Variants in PKNOX2 observed in about 807,000 individuals in gnomAD.
PKNOX2 encodes PBX/knotted 1 homeobox 2.
PKNOX2 carries 14 observed loss-of-function variants against 53.1 expected under a neutral mutation model. That is an observed-to-expected ratio of 0.26 (90% CI 0.17 to 0.41). PKNOX2 has a LOEUF of 0.41. Ranked by LOEUF, PKNOX2 falls within the 10% of genes least tolerant of loss-of-function variation. The pLI, the probability that PKNOX2 is intolerant of heterozygous loss-of-function variation, is 1.00. For missense variants in PKNOX2, 496 were observed against 602.8 expected, an observed-to-expected ratio of 0.82 and a Z score of 1.85; for synonymous variants, 257 against 242.8, an observed-to-expected ratio of 1.06 and a Z score of -0.54.
chr11:125,370,719 C>T lies in PKNOX2; in HGVS notation c.227+2734C>T, dbSNP rs886432032. Among the ~76,000 whole-genome samples, 1 of 152,264 alleles carries T rather than the reference C, an allele frequency of 6.6e-6. No homozygotes were observed. The highest frequency in any genetic ancestry group is 6.5e-5 in the Admixed American group (1 of 15,292). Reference sequence around the variant, plus strand: ...CCATTAGTACCAGCCGCCCTCTCTGCAGCCATTGCCCCGGGATGACCAGGG... The same window carrying T: ...CCATTAGTACCAGCCGCCCTCTCTGTAGCCATTGCCCCGGGATGACCAGGG... On this transcript the variant is annotated intron_variant, in intron 5 of 12. Coordinates refer to ENST00000298282, the MANE Select transcript of PKNOX2 (RefSeq NM_001382323.2). The surrounding 1 kb of genome is among the most constrained non-coding windows in gnomAD (Gnocchi z 4.1).
intron 2 of PKNOX2, among the ~76,000 whole-genome samples, chr11:125,242,257 T>C (rs1943211585): frequency 6.6e-6 from 1 of 152,150 alleles, no homozygotes; most frequent in South Asian, 2.1e-4. Flanking sequence ...AAGGCAGTGT[T>C]GGTCTGTAAC....
At chr11:125,273,503 GA>G (rs2135803517) in intron 2 of PKNOX2, among the ~76,000 whole-genome samples, 1 of 152,306 alleles carries the variant, frequency 6.6e-6, no homozygotes, top group South Asian at 2.1e-4. Flanking sequence ...GCAGTGCCAA[GA>G]AAAAGGTTCT....
At chr11:125,338,105 C>T (rs1437176248) in intron 3 of PKNOX2, among the ~76,000 whole-genome samples, 1 of 152,192 alleles carries the variant, frequency 6.6e-6, no homozygotes, top group Non-Finnish European at 1.5e-5. Flanking sequence ...CCCTCCATCT[C>T]CCCAGCATCC....
rs571407829 is a variant in PKNOX2, at chr11:125,356,655, C to T, written c.87+5263C>T. The stretch of plus-strand genomic sequence containing the variant: ...CTGCAAGAGGAAGGCTAAGGCTGGG[C>T]CAGCCACACTGAGGAAGCCAGACCT... On this transcript the variant is annotated intron_variant, in intron 4 of 12. Transcript: ENST00000298282. 5.9e-5 allele frequency among the ~76,000 whole-genome samples: 9 copies of T among 152,332 alleles called. No homozygotes were observed. The South Asian group carries it at 1.9e-3, about 32-fold the overall frequency.
intron 3 of PKNOX2, among the ~76,000 whole-genome samples, chr11:125,336,169 G>T (rs1329993567): frequency 6.6e-6 from 1 of 152,084 alleles, no homozygotes; most frequent in Non-Finnish European, 1.5e-5. Context: ...TTAGAAGTAT[G>T]TGTGAGAGGA....
At chr11:125,380,126 G>A (rs569456213) in intron 5 of PKNOX2, among the ~76,000 whole-genome samples, 29 of 152,314 alleles carry the variant, frequency 1.9e-4, no homozygotes, top group Middle Eastern at 3.4e-3. Flanking sequence ...CTGTGTCCGC[G>A]CTCCTGGGGA....
At chr11:125,385,440 A>G in intron 5 of PKNOX2, 111 bp from the exon 6 acceptor site, 1 of 1,244,106 alleles carries the variant, frequency 8.0e-7, no homozygotes, top group Non-Finnish European at 1.1e-6. Flanking sequence ...AAGGAGTGGG[A>G]CCTTGGGAGA....
At chr11:125,246,511 C>G (rs1194138505) in intron 2 of PKNOX2, among the ~76,000 whole-genome samples, 1 of 152,180 alleles carries the variant, frequency 6.6e-6, no homozygotes, top group African/African-American at 2.4e-5. Flanking sequence ...TCTGCCTTCC[C>G]CTTCCCCGGT....
At position 125,213,826 on chromosome 11, in the gene PKNOX2, C is replaced by T. The variant is rs149741657; in HGVS notation, c.-200-21219C>T. Reference sequence around the variant, plus strand: ...ACGGCAATTCTGGCCACATGTGATCCGGGAGGGGAGTGAGATGGTGCGCAC... The same window carrying T: ...ACGGCAATTCTGGCCACATGTGATCTGGGAGGGGAGTGAGATGGTGCGCAC... On this transcript the variant is annotated intron_variant, in intron 1 of 12. Coordinates refer to ENST00000298282, the MANE Select transcript of PKNOX2 (RefSeq NM_001382323.2). Among the ~76,000 whole-genome samples, 1,441 of 152,088 alleles carry T rather than the reference C, an allele frequency of 9.5e-3. 31 individuals carry two copies. The highest frequency in any genetic ancestry group is 0.033 in the African/African-American group (1,360 of 41,494).
At chr11:125,253,327 G>A (rs1944151686) in intron 2 of PKNOX2, among the ~76,000 whole-genome samples, 1 of 152,150 alleles carries the variant, frequency 6.6e-6, no homozygotes, top group African/African-American at 2.4e-5. Flanking sequence ...AGAGGCACAG[G>A]GAGAAGTACG....
intron 2 of PKNOX2, among the ~76,000 whole-genome samples, chr11:125,258,000 A>C (rs77514415): frequency 0.011 from 1,728 of 152,296 alleles, 41 homozygotes; most frequent in African/African-American, 0.04. Context: ...TGCAGAAAGA[A>C]TTCAGCCCTG....
At chr11:125,306,496 A>G (rs545929039) in intron 2 of PKNOX2, among the ~76,000 whole-genome samples, 1 of 152,236 alleles carries the variant, frequency 6.6e-6, no homozygotes, top group African/African-American at 2.4e-5. Context: ...GGCTGGTACT[A>G]CCAGAGAAAA....
At chr11:125,246,218 G>T (rs1029001247) in intron 2 of PKNOX2, among the ~76,000 whole-genome samples, 2 of 152,192 alleles carry the variant, frequency 1.3e-5, no homozygotes, top group South Asian at 4.1e-4. Context: ...GCTGGCATCT[G>T]GCAGGGGCCT....
At chr11:125,264,604 C>T (rs924560809) in intron 2 of PKNOX2, among the ~76,000 whole-genome samples, 5 of 152,198 alleles carry the variant, frequency 3.3e-5, no homozygotes, top group East Asian at 1.9e-4. Flanking sequence ...GGCTGCCCAG[C>T]TGTCTTGATC....
intron 4 of PKNOX2, among the ~76,000 whole-genome samples, chr11:125,364,679 C>G (rs369508806): frequency 6.6e-6 from 1 of 152,198 alleles, no homozygotes; most frequent in African/African-American, 2.4e-5. Flanking sequence ...AAGTACATTC[C>G]GGAAATCTCG....
intron 1 of PKNOX2, among the ~76,000 whole-genome samples, chr11:125,214,684 C>G (rs905014646): frequency 1.2e-4 from 18 of 152,044 alleles, no homozygotes; most frequent in Non-Finnish European, 2.2e-4. Flanking sequence ...CAATGCAGCC[C>G]CTGCCTGAGG....
intron 6 of PKNOX2, among the ~76,000 whole-genome samples, chr11:125,397,407 A>G (rs1054667352): frequency 1.3e-5 from 2 of 152,216 alleles, no homozygotes; most frequent in East Asian, 1.9e-4. Flanking sequence ...ACACCTCACA[A>G]TGTGCTACCA....
intron 6 of PKNOX2, among the ~76,000 whole-genome samples, chr11:125,392,925 A>G (rs1277428856): frequency 1.3e-5 from 2 of 152,006 alleles, no homozygotes; most frequent in Non-Finnish European, 2.9e-5. Flanking sequence ...TTGGGAGGCC[A>G]AGGTGGGCGG....
At chr11:125,391,159 A>G (rs1165723858) in intron 6 of PKNOX2, among the ~76,000 whole-genome samples, 1 of 152,224 alleles carries the variant, frequency 6.6e-6, no homozygotes, top group Non-Finnish European at 1.5e-5. Flanking sequence ...CCTGCAAAAC[A>G]AAGATGCCTC....
Sources: gnomAD v4.1 joint callset for allele counts (sites outside exome capture counted in the v4.1 genomes callset) on GRCh38, gnomAD v4.1.1 for gene constraint, Gnocchi (gnomAD v3.1) non-coding constraint, MANE v1.5 for transcripts, NCBI Gene and HGNC (gene_info 2026-07-23, HGNC 2026-07-21) for gene names.